MYO16: variants seen among roughly 807,000 people sequenced by gnomAD.
MYO16 encodes the protein myosin XVI.
MYO16 carries 94 observed loss-of-function variants against 205.3 expected under a neutral mutation model. The ratio of observed to expected loss-of-function variants is 0.46; its 90% CI spans 0.39 to 0.54. MYO16 has a LOEUF of 0.54. Ranked by LOEUF, MYO16 falls within the 20% of genes least tolerant of loss-of-function variation. The pLI, the probability that MYO16 is intolerant of heterozygous loss-of-function variation, is 0.00. For missense variants in MYO16, 2,315 were observed against 2,387.5 expected (o/e 0.97, Z 0.63); for synonymous variants, 988 against 954.0 (o/e 1.04, Z -0.66).
intron 20 of MYO16, among the ~76,000 whole-genome samples, chr13:108,990,372 A>G (rs967665149): frequency 1.3e-5 from 2 of 152,204 alleles, no homozygotes; most frequent in Admixed American, 6.5e-5. Context: ...ATCAAAACGA[A>G]TGACACAATA....
chr13:108,537,801 T>C, the MYO16 span, among the ~76,000 whole-genome samples: 2 of 152,116 alleles, frequency 1.3e-5, no homozygotes, highest in Non-Finnish European at 2.9e-5. Flanking sequence ...CACTTGTATG[T>C]CTTTTTTTGA....
intron 5 of MYO16, among the ~76,000 whole-genome samples, chr13:108,792,240 C>T (rs1046267550): frequency 2.6e-5 from 4 of 152,134 alleles, no homozygotes; most frequent in African/African-American, 9.7e-5. Flanking sequence ...GTGGATTCCG[C>T]ACTCAATATT....
At chr13:108,609,151 G>A (rs1040967921) in intron 1 of MYO16, among the ~76,000 whole-genome samples, 2 of 152,202 alleles carry the variant, frequency 1.3e-5, no homozygotes, top group East Asian at 3.9e-4. Flanking sequence ...CCCAGGAAAC[G>A]ATGGAGTCCC....
intron 28 of MYO16, among the ~76,000 whole-genome samples, chr13:109,115,175 G>A (rs573832040): frequency 6.1e-5 from 8 of 130,600 alleles, no homozygotes; most frequent in African/African-American, 8.8e-5. Flanking sequence ...CACAGCTTCC[G>A]TGCCACCTAC....
At position 108,618,181 on chromosome 13, in the gene MYO16, G is replaced by A. The variant is rs181880516; in HGVS notation, c.-39+21942G>A. Reference sequence around the variant, plus strand: ...AAATCTGTTCTTCACAGAGCATCACGATTTAACTCCTCTGTTAAAAATCTG... The same window carrying A: ...AAATCTGTTCTTCACAGAGCATCACAATTTAACTCCTCTGTTAAAAATCTG... On this transcript the variant is annotated intron_variant, in intron 1 of 24. Transcript: ENST00000251041. Among the ~76,000 whole-genome samples the A allele has an allele frequency of 1.4e-4, 22 of 152,216 alleles. No individual in the cohort carries two copies. The East Asian group carries it at 2.5e-3, about 17-fold the overall frequency.
At chr13:108,967,479 A>G (rs999144721) in intron 20 of MYO16, among the ~76,000 whole-genome samples, 1 of 152,182 alleles carries the variant, frequency 6.6e-6, no homozygotes, top group Admixed American at 6.5e-5. Context: ...CGTTTGCTGG[A>G]TCAGAATCCA....
intron 21 of MYO16, among the ~76,000 whole-genome samples, chr13:108,992,744 G>A (rs1208099526): frequency 6.6e-6 from 1 of 152,126 alleles, no homozygotes; most frequent in Non-Finnish European, 1.5e-5. Context: ...AGAGAGAAGG[G>A]AGAACATGAA....
At chr13:108,606,746 A>G (rs926526574) in intron 1 of MYO16, among the ~76,000 whole-genome samples, 3 of 152,190 alleles carry the variant, frequency 2.0e-5, no homozygotes, top group African/African-American at 4.8e-5. Context: ...GAGGGCCACC[A>G]TACTCCAGAC....
intron 27 of MYO16, among the ~76,000 whole-genome samples, chr13:109,069,208 G>A (rs1252999965): frequency 1.3e-5 from 2 of 152,172 alleles, no homozygotes; most frequent in African/African-American, 4.8e-5. Flanking sequence ...AGATCAATAT[G>A]CTTTGTAAAT....
At chr13:108,766,528 C>T (rs1008547033) in intron 4 of MYO16, among the ~76,000 whole-genome samples, 2 of 152,116 alleles carry the variant, frequency 1.3e-5, no homozygotes, top group African/African-American at 4.8e-5. Context: ...GCTTAAATTT[C>T]AGAGCAAGGG....
intron 28 of MYO16, among the ~76,000 whole-genome samples, 190 bp from the exon 29 acceptor site, chr13:109,120,180 A>T (rs1158785264): frequency 1.3e-5 from 2 of 152,246 alleles, no homozygotes; most frequent in Non-Finnish European, 2.9e-5. Context: ...CAGTAAACAT[A>T]CTTATTACAA....
the MYO16 span, among the ~76,000 whole-genome samples, chr13:108,532,413 A>T: frequency 6.6e-6 from 1 of 151,408 alleles, no homozygotes; most frequent in African/African-American, 2.4e-5. Flanking sequence ...AAAAAGAGGG[A>T]TGAGGAGTGA....
intron 2 of MYO16, among the ~76,000 whole-genome samples, chr13:108,683,133 G>A (rs1001076163): frequency 6.6e-6 from 1 of 152,164 alleles, no homozygotes; most frequent in African/African-American, 2.4e-5. Flanking sequence ...CTCAGCTGAA[G>A]GAGTTGTATT....
At chr13:108,585,121 A>C in the MYO16 span, among the ~76,000 whole-genome samples, 1 of 152,198 alleles carries the variant, frequency 6.6e-6, no homozygotes, top group African/African-American at 2.4e-5. Context: ...CAAACTCTGT[A>C]AAATATTTTC....
intron 22 of MYO16, among the ~76,000 whole-genome samples, chr13:109,009,719 A>G (rs1291395339): frequency 6.6e-6 from 1 of 152,220 alleles, no homozygotes; most frequent in African/African-American, 2.4e-5. Flanking sequence ...AGCTATTTGG[A>G]GAATATGTCA....
At position 108,888,366 on chromosome 13, in the gene MYO16, C is replaced by T; in HGVS notation, c.1554-6C>T. 3.2e-6 allele frequency: 5 copies of T among 1,575,982 alleles called. No homozygotes were observed. The highest frequency in any genetic ancestry group is 3.4e-6 in the Non-Finnish European group (4 of 1,161,726). ...AACTTATGTTTTTCCTCTCTGTTTT[C>T]CTTAGTGGAGAAAGGGGATCAGGAA... On this transcript the variant is annotated splice_polypyrimidine_tract_variant and splice_region_variant and intron_variant, in intron 13 of 34. Coordinates refer to ENST00000457511, the MANE Select transcript of MYO16 (RefSeq NM_001198950.3).
chr13:109,148,694 C>T (rs1251349177), intron 32 of MYO16, among the ~76,000 whole-genome samples: 1 of 152,196 alleles, frequency 6.6e-6, no homozygotes, highest in African/African-American at 2.4e-5. Context: ...TTATCGGATC[C>T]TCCCAAAATG....
chr13:108,759,883 A>C (rs920780387), intron 4 of MYO16, among the ~76,000 whole-genome samples: 4 of 152,148 alleles, frequency 2.6e-5, no homozygotes, highest in Non-Finnish European at 4.4e-5. Context: ...TGGAATATAA[A>C]AGTAAACAGT....
At chr13:108,901,017 C>T (rs916520313) in intron 15 of MYO16, among the ~76,000 whole-genome samples, 2 of 152,108 alleles carry the variant, frequency 1.3e-5, no homozygotes, top group Non-Finnish European at 2.9e-5. Context: ...AAATAAGCCC[C>T]GGTCTCCCAC....
Sources: gnomAD v4.1 joint callset for allele counts (sites outside exome capture counted in the v4.1 genomes callset) on GRCh38, gnomAD v4.1.1 for gene constraint, MANE v1.5 for transcripts, NCBI Gene and HGNC (gene_info 2026-07-23, HGNC 2026-07-21) for gene names.